The following KAZN variants were observed in gnomAD, a reference collection of about 807,000 sequenced individuals.
KAZN encodes the protein kazrin.
Under a neutral mutation model 87.4 loss-of-function variants are expected in KAZN, and 40 were observed. The ratio of observed to expected loss-of-function variants is 0.46; its 90% CI spans 0.36 to 0.60. The LOEUF (loss-of-function observed/expected upper bound fraction) is 0.60. Among genes scored for constraint, KAZN ranks in the 20% least tolerant of loss-of-function variants. The pLI, the probability that KAZN is intolerant of heterozygous loss-of-function variation, is 0.00. For missense variants in KAZN, 898 were observed against 1,073.9 expected (o/e 0.84, Z 2.29); for synonymous variants, 466 against 458.3 (o/e 1.02, Z -0.22).
At chr1:14,495,802 G>C (rs369488190) in intron 2 of KAZN, among the ~76,000 whole-genome samples, 1 of 152,112 alleles carries the variant, frequency 6.6e-6, no homozygotes, top group Non-Finnish European at 1.5e-5. Context: ...AAATGAAATT[G>C]CCTTCAGGTC....
chr1:15,060,320 G>T lies in KAZN; in HGVS notation c.1047+18G>T. On this transcript the variant is annotated intron_variant, in intron 6 of 14. Coordinates refer to ENST00000376030, the MANE Select transcript of KAZN (RefSeq NM_201628.3). The stretch of plus-strand genomic sequence containing the variant: ...TCTGCAACGTAAGGCCAGCAGCAGC[G>T]GGGCCTGGGCCCCTGGGCCCTGCCC... 3.1e-6 allele frequency: 5 copies of T among 1,613,970 alleles called. No homozygotes were observed. Among genetic ancestry groups the T allele is most frequent in the South Asian group, 1.1e-5 (1 of 91,068 alleles).
chr1:14,197,688 A>G (rs1646556543), intron 2 of KAZN, among the ~76,000 whole-genome samples: 1 of 152,208 alleles, frequency 6.6e-6, no homozygotes, highest in East Asian at 1.9e-4. Context: ...ACTCCATCTC[A>G]AACAAAACAA....
chr1:14,237,873 G>A (rs960087456), intron 2 of KAZN, among the ~76,000 whole-genome samples: 4 of 152,210 alleles, frequency 2.6e-5, no homozygotes, highest in Non-Finnish European at 4.4e-5. Flanking sequence ...TGCAGGCTGT[G>A]TGTCTCTGGC....
chr1:15,054,468 A>G (rs59357570), intron 4 of KAZN, among the ~76,000 whole-genome samples: 25,224 of 151,906 alleles, frequency 0.17, 4,148 homozygotes, highest in African/African-American at 0.43. Context: ...TGGCCAACAT[A>G]GTGCGACCCT....
chr1:14,286,507 G>C (rs545061651), intron 2 of KAZN, among the ~76,000 whole-genome samples: 1 of 152,308 alleles, frequency 6.6e-6, no homozygotes, highest in South Asian at 2.1e-4. Flanking sequence ...TAGGACTACT[G>C]TAAGGATTAG....
intron 1 of KAZN, among the ~76,000 whole-genome samples, chr1:14,837,506 G>C (rs1425547025): frequency 1.3e-5 from 2 of 148,554 alleles, no homozygotes; most frequent in African/African-American, 5.0e-5. Context: ...GCCCATACCT[G>C]TTGTTTTATG....
intron 2 of KAZN, among the ~76,000 whole-genome samples, chr1:14,485,559 A>AC (rs998062050): frequency 2.6e-5 from 4 of 151,950 alleles, no homozygotes; most frequent in African/African-American, 9.7e-5. Flanking sequence ...AAAAGTTACT[A>AC]CCCCCACCCT....
At chr1:14,831,476 C>A (rs962064512) in intron 1 of KAZN, among the ~76,000 whole-genome samples, 1 of 152,138 alleles carries the variant, frequency 6.6e-6, no homozygotes, top group Non-Finnish European at 1.5e-5. Context: ...AGAAAAATGT[C>A]GAAGTTTCCC....
chr1:14,580,901 A>C (rs1400476024), intron 2 of KAZN, among the ~76,000 whole-genome samples: 1 of 152,082 alleles, frequency 6.6e-6, no homozygotes, highest in Admixed American at 6.5e-5. Flanking sequence ...GGCCTCCTTC[A>C]AACACTTTCT....
intron 2 of KAZN, among the ~76,000 whole-genome samples, chr1:14,296,629 CTTTTTTTTTTT>C (rs775666706): frequency 1.2e-5 from 1 of 82,764 alleles, no homozygotes; most frequent in Admixed American, 1.5e-4. Context: ...TTTTGTATTT[CTTTTTTTTTTT>C]TTTTTTTTTT....
intron 1 of KAZN, among the ~76,000 whole-genome samples, chr1:13,934,943 A>T (rs1640664015): frequency 6.6e-6 from 1 of 152,142 alleles, no homozygotes; most frequent in Non-Finnish European, 1.5e-5. Flanking sequence ...TAGCATAATA[A>T]TAAGCCTTCA....
At chr1:14,369,664 G>A (rs554317460) in intron 2 of KAZN, among the ~76,000 whole-genome samples, 8 of 151,120 alleles carry the variant, frequency 5.3e-5, no homozygotes, top group Admixed American at 1.4e-4. Flanking sequence ...CACATCTCTC[G>A]AGGAAGGTAT....
intron 1 of KAZN, among the ~76,000 whole-genome samples, chr1:13,941,829 C>A (rs1354579395): frequency 6.6e-6 from 1 of 152,150 alleles, no homozygotes; most frequent in East Asian, 1.9e-4. Context: ...CCAAGGCAGC[C>A]AGCACTTAGG....
In KAZN at chr1:14,111,740, C is replaced by CT. The variant is rs68167208; in HGVS notation, c.92-68678dup. Among the ~76,000 whole-genome samples, 544 of 80,784 alleles carry CT rather than the reference C, an allele frequency of 6.7e-3. 61 individuals carry two copies. Among genetic ancestry groups the CT allele is most frequent in the African/African-American group, 0.021 (397 of 18,744 alleles). 53.0% of individuals were successfully genotyped at this position (80,784 alleles called of 152,430 possible). On this transcript the variant is annotated intron_variant, in intron 1 of 16. Transcript: ENST00000636203. Reference sequence around the variant, plus strand: ...CCCAACCCTTTGCCTAGATTCTTTTCTTTTTTTTTTTTTTTTTGAGGTGGA... The same window carrying CT: ...CCCAACCCTTTGCCTAGATTCTTTTCTTTTTTTTTTTTTTTTTTGAGGTGGA...
chr1:14,533,733 A>T (rs1172011485), intron 2 of KAZN, among the ~76,000 whole-genome samples: 1 of 152,094 alleles, frequency 6.6e-6, no homozygotes, highest in Non-Finnish European at 1.5e-5. Flanking sequence ...CACGTGCTTC[A>T]TGGAGATTTC....
intron 2 of KAZN, among the ~76,000 whole-genome samples, chr1:14,328,953 G>T (rs896192582): frequency 1.3e-5 from 2 of 151,992 alleles, no homozygotes; most frequent in Non-Finnish European, 2.9e-5. Context: ...GGATGTAAAA[G>T]GACATAGAAC....
At chr1:14,829,831 G>A (rs958775399) in intron 1 of KAZN, among the ~76,000 whole-genome samples, 2 of 152,242 alleles carry the variant, frequency 1.3e-5, no homozygotes, top group Non-Finnish European at 2.9e-5. Flanking sequence ...AGGACCATAT[G>A]AGCCAACCTG....
intron 1 of KAZN, among the ~76,000 whole-genome samples, chr1:14,044,642 T>G (rs761162): frequency 0.62 from 93,622 of 151,818 alleles, 30,229 homozygotes; most frequent in African/African-American, 0.8. Context: ...ACCAGGCAAT[T>G]TTCTAAAATG....
At chr1:14,986,899 C>A (rs1189349823) in intron 2 of KAZN, among the ~76,000 whole-genome samples, 1 of 152,144 alleles carries the variant, frequency 6.6e-6, no homozygotes, top group African/African-American at 2.4e-5. Flanking sequence ...TTTTCTCTAT[C>A]CAATTTAATC....
Sources: gnomAD v4.1 joint callset for allele counts (sites outside exome capture counted in the v4.1 genomes callset) on GRCh38, gnomAD v4.1.1 for gene constraint, MANE v1.5 for transcripts, NCBI Gene and HGNC (gene_info 2026-07-23, HGNC 2026-07-21) for gene names.